POFUT1: variants seen among roughly 807,000 people sequenced by gnomAD.
The protein encoded by POFUT1 is protein O-fucosyltransferase 1.
A neutral mutation model predicts 42.4 loss-of-function variants in POFUT1; 16 were observed. The observed-to-expected ratio is 0.38, with a 90% CI of 0.26 to 0.57. POFUT1 has a LOEUF of 0.57. POFUT1 is among the 20% of genes least tolerant of loss of function. The pLI, the probability that POFUT1 is intolerant of heterozygous loss-of-function variation, is 0.71. For missense variants in POFUT1, 470 were observed against 504.6 expected (o/e 0.93, Z 0.66); for synonymous variants, 206 against 205.4 (o/e 1.00, Z -0.03).
Position 32,215,439 on chromosome 20 carries a change from G to T in POFUT1, c.417G>T (p.Thr139=), listed in dbSNP as rs201398739. ...CCCAGCGAAGCCCAGATAAGAAGAC[G>T]TGCCCCATGAAGGTGGGTCCTGTGG... ...VAAQRSPDKK[T]CPMKEGNPFG... is the part of the protein sequence containing the mutation. Residue 139 remains threonine (T), a synonymous_variant, in exon 3 of 7, where the codon ACG becomes ACT. Coordinates refer to ENST00000375749, the MANE Select transcript of POFUT1 (RefSeq NM_015352.2). The T allele has an allele frequency of 1.2e-6, 2 of 1,610,072 alleles. No individual in the cohort carries two copies. The highest frequency in any genetic ancestry group is 1.7e-5 in the Admixed American group (1 of 59,958).
chr20:32,227,090 G>A (rs144074912), intron 4 of POFUT1, among the ~76,000 whole-genome samples: 1 of 152,196 alleles, frequency 6.6e-6, no homozygotes, highest in African/African-American at 2.4e-5. Flanking sequence ...CCCTCCAGCT[G>A]GAGGGAAGAA....
intron 6 of POFUT1, among the ~76,000 whole-genome samples, chr20:32,231,719 G>A (rs2047444757): frequency 6.6e-6 from 1 of 152,196 alleles, no homozygotes; most frequent in African/African-American, 2.4e-5. Flanking sequence ...TAGGGCAGTT[G>A]TGAAGGTCAG....
intron 6 of POFUT1, among the ~76,000 whole-genome samples, chr20:32,232,219 G>A (rs1213242279): frequency 6.6e-6 from 1 of 152,106 alleles, no homozygotes; most frequent in African/African-American, 2.4e-5. Flanking sequence ...GCTCATGCCT[G>A]TAATCCCAGG....
chr20:32,218,526 A>G (rs1430952008), intron 4 of POFUT1, among the ~76,000 whole-genome samples: 1 of 152,196 alleles, frequency 6.6e-6, no homozygotes, highest in African/African-American at 2.4e-5. Context: ...CTTTGGACCT[A>G]GCTTTGGACC....
chr20:32,237,772 G>C lies in POFUT1; in HGVS notation c.*3111G>C, dbSNP rs751305441. On this transcript the variant is annotated 3_prime_UTR_variant, in exon 7 of 7. Transcript: ENST00000375749. ...GGTGAAAGCAGAGAGACCAGTGCAG[G>C]GCTGTTAACAGGGTTGCAGGCGAGA... The C allele has an allele frequency of 1.9e-6, 1 of 534,686 alleles. No homozygotes were observed. The highest frequency in any genetic ancestry group is 1.4e-5 in the South Asian group (1 of 71,576). The allele number at this position is 534,686 out of a possible 1,614,324, so 33.1% of individuals were successfully genotyped here. A position where few individuals can be genotyped will look rare whatever the true frequency, so the allele number is the denominator to read the frequency against.
In POFUT1 at chr20:32,235,950, T is replaced by A. The variant is rs2047468108; in HGVS notation, c.*1289T>A. On this transcript the variant is annotated 3_prime_UTR_variant, in exon 7 of 7. Coordinates refer to ENST00000375749, the MANE Select transcript of POFUT1 (RefSeq NM_015352.2). ...CTTGTTTACCTGTGGGAGGAAACAC[T>A]TTTTTTGTCAGGGGCAGCCTGGTTC... The A allele has an allele frequency of 6.6e-6, 1 of 152,206 alleles. No individual in the cohort carries two copies. Among genetic ancestry groups the A allele is most frequent in the Admixed American group, 6.5e-5 (1 of 15,272 alleles). The allele number at this position is 152,206 out of a possible 1,614,324, so 9.4% of individuals were successfully genotyped here.
At chr20:32,224,548 C>G (rs575958949) in intron 4 of POFUT1, among the ~76,000 whole-genome samples, 1 of 152,232 alleles carries the variant, frequency 6.6e-6, no homozygotes, top group African/African-American at 2.4e-5. Context: ...TGCTTGGGTC[C>G]CCAGCCTCAC....
rs1445691094 is a variant in POFUT1 at position 32,238,057 on chromosome 20, A to T, written c.*3396A>T. 9.0e-6 allele frequency: 3 copies of T among 334,556 alleles called. No individual in the cohort carries two copies. The highest frequency in any genetic ancestry group is 1.8e-5 in the Non-Finnish European group (3 of 168,056). 20.7% of individuals were successfully genotyped at this position (334,556 alleles called of 1,614,324 possible). Reference sequence around the variant, plus strand: ...CTGGATAAATGCTCTTAATTATAAAAAATTCTGTCGAGGAGTGTTCCATAG... The same window carrying T: ...CTGGATAAATGCTCTTAATTATAAATAATTCTGTCGAGGAGTGTTCCATAG... On this transcript the variant is annotated 3_prime_UTR_variant, in exon 7 of 7. Transcript: ENST00000375749.
chr20:32,214,187 C>G (rs954922996), intron 2 of POFUT1, among the ~76,000 whole-genome samples: 18 of 152,002 alleles, frequency 1.2e-4, no homozygotes, highest in African/African-American at 4.1e-4. Flanking sequence ...TACAGTGGCA[C>G]AGTCACACAT....
intron 3 of POFUT1, among the ~76,000 whole-genome samples, chr20:32,215,779 C>A (rs2047356846): frequency 6.6e-6 from 1 of 152,232 alleles, no homozygotes; most frequent in Admixed American, 6.5e-5. Context: ...TCATGTAGCA[C>A]TTACTATGTA....
intron 4 of POFUT1, among the ~76,000 whole-genome samples, chr20:32,224,045 C>T (rs532381228): frequency 3.3e-5 from 5 of 152,270 alleles, no homozygotes; most frequent in Non-Finnish European, 7.4e-5. Flanking sequence ...GGAGCATTGC[C>T]TATCACATAA....
At chr20:32,217,334 G>A in intron 4 of POFUT1, 1 of 1,217,676 alleles carries the variant, frequency 8.2e-7, no homozygotes. Context: ...TAGTGTACTT[G>A]TCCTTAATGT....
At position 32,230,924 on chromosome 20, in the gene POFUT1, A is replaced by G. The variant is rs1265643671; in HGVS notation, c.841A>G (p.Thr281Ala). Reference sequence around the variant, plus strand: ...CAGCACAGCGGCCCCCCTCACGATGACTATGTGCCTGCCTGACCTGAAGGA... The same window carrying G: ...CAGCACAGCGGCCCCCCTCACGATGGCTATGTGCCTGCCTGACCTGAAGGA... The part of the protein sequence containing the change: ...SRSTAAPLTM[T>A]MCLPDLKEIQ... Residue 281 changes from threonine to alanine, a missense_variant, in exon 6 of 7, where the codon ACT becomes GCT. Coordinates refer to ENST00000375749, the MANE Select transcript of POFUT1 (RefSeq NM_015352.2). The G allele has an allele frequency of 6.2e-7, 1 of 1,614,034 alleles. No homozygotes were observed. The highest frequency in any genetic ancestry group is 8.5e-7 in the Non-Finnish European group (1 of 1,180,038).
intron 2 of POFUT1, among the ~76,000 whole-genome samples, chr20:32,211,114 T>C (rs1397217751): frequency 3.9e-5 from 6 of 152,152 alleles, no homozygotes; most frequent in Admixed American, 3.9e-4. Context: ...TAATGATTCT[T>C]GTTACCCTCT....
rs201769568 is a variant in POFUT1, at chr20:32,234,585, G to A, written c.1091G>A (p.Arg364Gln). The A allele has an allele frequency of 1.2e-5, 19 of 1,614,140 alleles. No individual in the cohort carries two copies. The highest frequency in any genetic ancestry group is 2.7e-5 in the African/African-American group (2 of 75,052). Reference protein sequence around the residue: ...CVSSFTAFVKRERDLQGRPSS... With the variant: ...CVSSFTAFVKQERDLQGRPSS... ...TCCTCCTTCACTGCCTTTGTGAAGC[G>A]GGAGCGGGACCTCCAGGGGAGGCCG... The change falls in exon 7 of 7, where the codon CGG becomes CAG. Residue 364 changes from arginine (R) to glutamine (Q), a missense_variant. Arg to Gln is a conservative substitution (Grantham distance 43). Transcript: ENST00000375749.
intron 2 of POFUT1, among the ~76,000 whole-genome samples, chr20:32,211,809 C>T (rs2047330575): frequency 6.6e-6 from 1 of 152,256 alleles, no homozygotes; most frequent in Admixed American, 6.5e-5. Context: ...TGACCTCCCA[C>T]TGGCACTTGA....
chr20:32,218,489 A>C (rs1267862061), intron 4 of POFUT1, among the ~76,000 whole-genome samples: 1 of 152,218 alleles, frequency 6.6e-6, no homozygotes, highest in East Asian at 1.9e-4. Flanking sequence ...TGCCTTTAAC[A>C]GCTGCCAGTT....
chr20:32,212,906 C>G (rs1390501649), intron 2 of POFUT1, among the ~76,000 whole-genome samples: 1 of 148,734 alleles, frequency 6.7e-6, no homozygotes, highest in East Asian at 2.0e-4. Flanking sequence ...TTTTCCAAGA[C>G]GGAGTTTTGC....
chr20:32,211,158 C>A (rs1344154853), intron 2 of POFUT1, among the ~76,000 whole-genome samples: 1 of 152,204 alleles, frequency 6.6e-6, no homozygotes, highest in Admixed American at 6.5e-5. Context: ...GTGGCAGTAA[C>A]ACGCCTTCAG....
Sources: allele counts gnomAD v4.1 joint callset (sites outside exome capture counted in the v4.1 genomes callset), GRCh38; gene constraint gnomAD v4.1.1; transcripts MANE v1.5; gene names NCBI Gene and HGNC (gene_info 2026-07-23, HGNC 2026-07-21).